Variants in MAPK4 observed in about 807,000 individuals in gnomAD.
MAPK4 encodes the protein Erk3-related.
Under a neutral mutation model 47.7 loss-of-function variants are expected in MAPK4, and 22 were observed. The ratio of observed to expected loss-of-function variants is 0.46; its 90% CI spans 0.33 to 0.66. MAPK4 has a LOEUF of 0.66. MAPK4 is among the 30% of genes least tolerant of loss of function. The pLI is 0.02. For synonymous variants in MAPK4, 390 were observed against 365.7 expected (o/e 1.07, Z -0.76); for missense variants, 736 against 831.7 (o/e 0.88, Z 1.42).
chr18:50,670,942 C>G (rs1568073508), intron 2 of MAPK4, among the ~76,000 whole-genome samples: 1 of 152,334 alleles, frequency 6.6e-6, no homozygotes, highest in East Asian at 1.9e-4. Context: ...TCTGATGCTC[C>G]TGAACTTTTA....
intron 1 of MAPK4, among the ~76,000 whole-genome samples, chr18:50,582,555 T>G (rs1389450364): frequency 1.3e-5 from 2 of 152,160 alleles, no homozygotes; most frequent in Admixed American, 6.5e-5. Context: ...CACCTAGAAG[T>G]TTTTTAGCAA....
intron 1 of MAPK4, among the ~76,000 whole-genome samples, chr18:50,619,233 G>A (rs2042710204): frequency 6.6e-6 from 1 of 152,192 alleles, no homozygotes; most frequent in South Asian, 2.1e-4. Context: ...GAAAAATTAA[G>A]TGATCAGCCA....
At chr18:50,642,486 ATAGT>A (rs1279480236) in intron 1 of MAPK4, among the ~76,000 whole-genome samples, 4 of 152,188 alleles carry the variant, frequency 2.6e-5, no homozygotes, top group African/African-American at 9.7e-5. Context: ...CCACCCCAAT[ATAGT>A]TAGTGAAGAA....
chr18:50,684,860 T>C (rs898354647), intron 2 of MAPK4, among the ~76,000 whole-genome samples: 6 of 152,062 alleles, frequency 3.9e-5, no homozygotes, highest in African/African-American at 1.4e-4. Flanking sequence ...GGCAGACCCA[T>C]AGGGATTGAG....
intron 1 of MAPK4, among the ~76,000 whole-genome samples, chr18:50,593,657 G>A (rs1234392959): frequency 2.0e-5 from 3 of 152,134 alleles, no homozygotes; most frequent in Non-Finnish European, 2.9e-5. Context: ...TCCCCTAAAA[G>A]GACCTATAGA....
chr18:50,566,749 A>G (rs931947865), intron 1 of MAPK4, among the ~76,000 whole-genome samples: 6 of 152,186 alleles, frequency 3.9e-5, no homozygotes, highest in Admixed American at 6.5e-5. Context: ...CTTTTTTTGT[A>G]TCATCTTTAC....
In MAPK4 at chr18:50,627,664, T is replaced by C. The variant is rs182272392; in HGVS notation, c.-870-35425T>C. Among the ~76,000 whole-genome samples the C allele has an allele frequency of 8.6e-4, 131 of 152,342 alleles. 2 individuals are homozygous for C. The East Asian group carries it at 0.017, about 20-fold the overall frequency. ...AACCTGGCAAGGAGGGCAGAGCCTA[T>C]GTTACGATCCCATTTGAGAGAGCAG... On this transcript the variant is annotated intron_variant, in intron 1 of 5. Coordinates refer to ENST00000400384, the MANE Select transcript of MAPK4 (RefSeq NM_002747.4).
intron 2 of MAPK4, among the ~76,000 whole-genome samples, chr18:50,685,707 T>G (rs1908842162): frequency 6.6e-6 from 1 of 152,204 alleles, no homozygotes; most frequent in Admixed American, 6.5e-5. Context: ...CACACCAGAA[T>G]GACCTGCATC....
intron 1 of MAPK4, among the ~76,000 whole-genome samples, chr18:50,570,547 A>G (rs181877359): frequency 1.3e-5 from 2 of 152,342 alleles, no homozygotes; most frequent in East Asian, 3.9e-4. Context: ...ACTGGACCCC[A>G]AAATGTTCAT....
At chr18:50,629,875 G>A (rs2042813408) in intron 1 of MAPK4, 1 of 152,274 alleles carries the variant, frequency 6.6e-6, no homozygotes, top group African/African-American at 2.4e-5. Flanking sequence ...GCTGCTGTGA[G>A]TAGGTAAAAC....
At position 50,680,646 on chromosome 18, in the gene MAPK4, C is replaced by G. The variant is rs79536361; in HGVS notation, c.546+16142C>G. ...CAGCTTTCTCTATCTATGGATTTGC[C>G]TAGTCCGAATATTTCACATAAGTAG... is the stretch of plus-strand genomic sequence containing the variant. On this transcript the variant is annotated intron_variant, in intron 2 of 5. Coordinates refer to ENST00000400384, the MANE Select transcript of MAPK4 (RefSeq NM_002747.4). Among the ~76,000 whole-genome samples the G allele has an allele frequency of 9.2e-5, 14 of 152,270 alleles. No homozygotes were observed. The East Asian group carries it at 2.7e-3, about 29-fold the overall frequency.
chr18:50,582,468 A>G (rs1273713324), intron 1 of MAPK4, among the ~76,000 whole-genome samples: 1 of 152,244 alleles, frequency 6.6e-6, no homozygotes, highest in East Asian at 1.9e-4. Flanking sequence ...TTGCACCAAG[A>G]ATTCCTGCAC....
Position 50,726,037 on chromosome 18 carries a change from C to T in MAPK4, c.929C>T (p.Pro310Leu), listed in dbSNP as rs1180443921. The T allele has an allele frequency of 1.9e-6, 3 of 1,614,052 alleles. No homozygotes were observed. The highest frequency in any genetic ancestry group is 2.7e-5 in the African/African-American group (2 of 74,920). The part of the protein sequence containing the change: ...RLTAEMGLQH[P>L]YMSPYSCPED... Reference sequence around the variant, plus strand: ...ACAGCTGAGATGGGGCTGCAACACCCCTACATGAGCCCATACTCGTGCCCT... The same window carrying T: ...ACAGCTGAGATGGGGCTGCAACACCTCTACATGAGCCCATACTCGTGCCCT... The change falls in exon 5 of 6, where the codon CCC (proline) becomes CTC (leucine). Residue 310 changes from proline (P) to leucine (L), a missense_variant. Physicochemically the swap from Pro to Leu is moderately conservative, Grantham distance 98. Coordinates refer to ENST00000400384, the MANE Select transcript of MAPK4 (RefSeq NM_002747.4).
At chr18:50,724,506 G>A (rs575856711) in intron 4 of MAPK4, among the ~76,000 whole-genome samples, 35 of 152,346 alleles carry the variant, frequency 2.3e-4, no homozygotes, top group South Asian at 2.3e-3. Context: ...GCTGGGCCCC[G>A]CACTAGACTG....
chr18:50,704,486 A>G (rs1909947735), intron 2 of MAPK4: 1 of 398,500 alleles, frequency 2.5e-6, no homozygotes. Flanking sequence ...GTCTCCAAAA[A>G]AAAAGCAAGA....
chr18:50,633,123 G>T (rs2042847750), intron 1 of MAPK4, among the ~76,000 whole-genome samples: 1 of 152,204 alleles, frequency 6.6e-6, no homozygotes, highest in African/African-American at 2.4e-5. Flanking sequence ...TCTCTGTATG[G>T]CAGGGAAGAA....
chr18:50,612,610 C>T (rs1252171326), intron 1 of MAPK4, among the ~76,000 whole-genome samples: 1 of 152,180 alleles, frequency 6.6e-6, no homozygotes, highest in Non-Finnish European at 1.5e-5. Context: ...CATTCTTGGA[C>T]ATTTTTCTTG....
At chr18:50,703,404 C>A (rs1338849596) in intron 2 of MAPK4, among the ~76,000 whole-genome samples, 2 of 152,332 alleles carry the variant, frequency 1.3e-5, no homozygotes, top group Non-Finnish European at 1.5e-5. Flanking sequence ...GCTTTTATAA[C>A]ACGCAGCCAC....
intron 1 of MAPK4, among the ~76,000 whole-genome samples, chr18:50,649,349 T>C (rs2043024051): frequency 6.6e-6 from 1 of 152,154 alleles, no homozygotes; most frequent in South Asian, 2.1e-4. Flanking sequence ...GAAAATGATT[T>C]TGTCATTGGC....
Sources: allele counts gnomAD v4.1 joint callset (sites outside exome capture counted in the v4.1 genomes callset), GRCh38; gene constraint gnomAD v4.1.1; transcripts MANE v1.5; gene names NCBI Gene and HGNC (gene_info 2026-07-23, HGNC 2026-07-21).